FAXC: variants seen among roughly 807,000 people sequenced by gnomAD.
FAXC encodes the protein failed axon connections homolog.
In FAXC, 10 loss-of-function variants were observed where a neutral mutation model predicts 41.9. The ratio of observed to expected loss-of-function variants is 0.24; its 90% CI spans 0.15 to 0.41. The LOEUF is 0.41. Among genes scored for constraint, FAXC ranks in the 10% least tolerant of loss-of-function variants. FAXC has a pLI of 1.00. For missense variants in FAXC, 399 were observed against 510.9 expected (o/e 0.78, Z 2.11); for synonymous variants, 183 against 183.8 (o/e 1.00, Z 0.03).
chr6:99,315,466 A>G (rs562758338), intron 4 of FAXC, among the ~76,000 whole-genome samples: 3 of 152,234 alleles, frequency 2.0e-5, no homozygotes, highest in African/African-American at 7.2e-5. Context: ...GCTGTGCCCA[A>G]TGTGTTCACC....
At chr6:99,328,641 C>A (rs975951370) in intron 3 of FAXC, among the ~76,000 whole-genome samples, 11 of 152,166 alleles carry the variant, frequency 7.2e-5, no homozygotes, top group Non-Finnish European at 1.5e-4. Context: ...CTTTCCCGAC[C>A]ACCAGCCCCT....
intron 4 of FAXC, among the ~76,000 whole-genome samples, chr6:99,307,345 A>G (rs542284523): frequency 2.0e-5 from 3 of 152,304 alleles, no homozygotes; most frequent in Non-Finnish European, 2.9e-5. Flanking sequence ...GATAAGAGTT[A>G]AAGACAGGAA....
chr6:99,338,232 T>C (rs979871264), intron 2 of FAXC, among the ~76,000 whole-genome samples: 1 of 152,218 alleles, frequency 6.6e-6, no homozygotes, highest in Non-Finnish European at 1.5e-5. Flanking sequence ...TACAATTCTT[T>C]TTTTAAAAAT....
At chr6:99,329,373 T>C (rs1446645100) in intron 3 of FAXC, among the ~76,000 whole-genome samples, 2 of 152,154 alleles carry the variant, frequency 1.3e-5, no homozygotes, top group Non-Finnish European at 2.9e-5. Context: ...GAAGATATCA[T>C]GCATTATAAC....
chr6:99,304,702 T>C (rs1771847047), intron 4 of FAXC, among the ~76,000 whole-genome samples: 1 of 152,180 alleles, frequency 6.6e-6, no homozygotes, highest in Non-Finnish European at 1.5e-5. Context: ...GCCTACTGTT[T>C]ACTAGGCCTT....
At chr6:99,298,755 G>C (rs1325646092) in intron 4 of FAXC, among the ~76,000 whole-genome samples, 1 of 152,202 alleles carries the variant, frequency 6.6e-6, no homozygotes, top group African/African-American at 2.4e-5. Context: ...TGATTAAAAA[G>C]TATAATAATG....
Position 99,349,402 on chromosome 6 carries a change from C to T in FAXC, c.-30G>A, listed in dbSNP as rs764258641. The T allele has an allele frequency of 1.3e-6, 2 of 1,564,220 alleles. No homozygotes were observed. The highest frequency in any genetic ancestry group is 2.3e-5 in the South Asian group (2 of 85,722). On this transcript the variant is annotated 5_prime_UTR_variant, in exon 1 of 6. Transcript: ENST00000389677. Reference sequence around the variant, plus strand: ...CGCGGCTGGCTCCGGGCGCCCCTCCCAGGGCCCGCGCCGCCCGCATGGGAA... The same window carrying T: ...CGCGGCTGGCTCCGGGCGCCCCTCCTAGGGCCCGCGCCGCCCGCATGGGAA...
chr6:99,306,942 C>G (rs1771946295), intron 4 of FAXC, among the ~76,000 whole-genome samples: 4 of 152,192 alleles, frequency 2.6e-5, no homozygotes, highest in Admixed American at 2.0e-4. Context: ...AATGTCTCAT[C>G]AAGAGGGAGC....
intron 4 of FAXC, among the ~76,000 whole-genome samples, chr6:99,302,194 TG>T (rs1401951301): frequency 6.6e-6 from 1 of 152,210 alleles, no homozygotes; most frequent in Non-Finnish European, 1.5e-5. Context: ...ATTCATTTCT[TG>T]CCACATGGAC....
At chr6:99,288,080 T>C (rs1771089240) in intron 5 of FAXC, among the ~76,000 whole-genome samples, 1 of 152,158 alleles carries the variant, frequency 6.6e-6, no homozygotes, top group African/African-American at 2.4e-5. Context: ...TCATTTCTTT[T>C]AAAAGAACAC....
In FAXC at chr6:99,271,498, A is replaced by G. The variant is rs721032; in HGVS notation, c.*9666T>C. ...CAAATCCAAAAATCCAAAATCTGAA[A>G]CGCTCCAAAATCCAAAACTTTTTGA... is the stretch of plus-strand genomic sequence containing the variant. On this transcript the variant is annotated 3_prime_UTR_variant, in exon 6 of 6. Coordinates refer to ENST00000389677, the MANE Select transcript of FAXC (RefSeq NM_032511.4). 0.69 allele frequency: 104,585 copies of G among 152,126 alleles called. 36,362 individuals carry two copies. Among genetic ancestry groups the G allele is most frequent in the African/African-American group, 0.78 (32,203 of 41,470 alleles). 9.4% of individuals were successfully genotyped at this position (152,126 alleles called of 1,614,324 possible).
rs1770497982 is a variant in FAXC at position 99,273,761 on chromosome 6, C to T, written c.*7403G>A. ...CATCTGGGTGCTACGCCTAAAGACT[C>T]CTTGTCCCATTCTCTAAACTCCATT... On this transcript the variant is annotated 3_prime_UTR_variant, in exon 6 of 6. Coordinates refer to ENST00000389677, the MANE Select transcript of FAXC (RefSeq NM_032511.4). 1.3e-5 allele frequency: 2 copies of T among 152,090 alleles called. No individual in the cohort carries two copies. The highest frequency in any genetic ancestry group is 2.4e-5 in the African/African-American group (1 of 41,492). 9.4% of individuals were successfully genotyped at this position (152,090 alleles called of 1,614,324 possible).
At chr6:99,343,700 T>C (rs1467505214) in intron 1 of FAXC, among the ~76,000 whole-genome samples, 1 of 152,180 alleles carries the variant, frequency 6.6e-6, no homozygotes, top group African/African-American at 2.4e-5. Flanking sequence ...AGATTTGCTC[T>C]GCTATGACCC....
At chr6:99,319,120 G>A (rs537701474) in intron 4 of FAXC, among the ~76,000 whole-genome samples, 3 of 152,196 alleles carry the variant, frequency 2.0e-5, no homozygotes, top group South Asian at 4.2e-4. Flanking sequence ...AAACCCGGCC[G>A]GGCGCGGTGG....
At chr6:99,288,859 T>TACACACACACACACACAC (rs55895848) in intron 5 of FAXC, among the ~76,000 whole-genome samples, 12,289 of 145,658 alleles carry the variant, frequency 0.084, 660 homozygotes, top group Middle Eastern at 0.14. Context: ...CACACACACA[T>TACACACACACACACACAC]ACACACACAC....
At chr6:99,335,678 T>C (rs1160888340) in intron 2 of FAXC, among the ~76,000 whole-genome samples, 1 of 152,226 alleles carries the variant, frequency 6.6e-6, no homozygotes, top group African/African-American at 2.4e-5. Context: ...GCTCTCGCCA[T>C]TGTTCCATCT....
At chr6:99,343,070 A>G (rs775192650) in intron 1 of FAXC, 37 bp from the exon 2 acceptor site, 1 of 1,560,324 alleles carries the variant, frequency 6.4e-7, no homozygotes, top group Non-Finnish European at 8.6e-7. Flanking sequence ...TACAATCCAC[A>G]TGTTATCCAC....
In FAXC at chr6:99,277,963, C is replaced by T. The variant is rs1171495015; in HGVS notation, c.*3201G>A. ...ATCTCTCAAACAAATCTAAGCAAGACCCACAAGGCCAAAATCCTTAGTATG... is the reference window on the plus strand; with the variant it reads ...ATCTCTCAAACAAATCTAAGCAAGATCCACAAGGCCAAAATCCTTAGTATG... On this transcript the variant is annotated 3_prime_UTR_variant, in exon 6 of 6. Coordinates refer to ENST00000389677, the MANE Select transcript of FAXC (RefSeq NM_032511.4). The T allele has an allele frequency of 6.6e-6, 1 of 152,148 alleles. No homozygotes were observed. Among genetic ancestry groups the T allele is most frequent in the Non-Finnish European group, 1.5e-5 (1 of 68,026 alleles). 9.4% of individuals were successfully genotyped at this position (152,148 alleles called of 1,614,324 possible). A position where few individuals can be genotyped will look rare whatever the true frequency, so the allele number is the denominator to read the frequency against.
At chr6:99,290,495 C>A (rs1460518568) in intron 5 of FAXC, among the ~76,000 whole-genome samples, 1 of 151,848 alleles carries the variant, frequency 6.6e-6, no homozygotes, top group Non-Finnish European at 1.5e-5. Context: ...TGAGGTTAGG[C>A]ATTCAAGACC....
Sources: gnomAD v4.1 joint callset for allele counts (sites outside exome capture counted in the v4.1 genomes callset) on GRCh38, gnomAD v4.1.1 for gene constraint, MANE v1.5 for transcripts, NCBI Gene and HGNC (gene_info 2026-07-23, HGNC 2026-07-21) for gene names.